The following KIF26A variants were observed in gnomAD, a reference collection of about 807,000 sequenced individuals.
KIF26A encodes kinesin family member 26A.
A neutral mutation model predicts 126.0 loss-of-function variants in KIF26A; 74 were observed. That is an observed-to-expected ratio of 0.59 (90% confidence interval 0.49 to 0.71). The LOEUF is 0.71. Among genes scored for constraint, KIF26A ranks in the 30% least tolerant of loss-of-function variants. The pLI is 0.00. For missense variants in KIF26A, 2,984 were observed against 2,763.3 expected (o/e 1.08, Z -1.79); for synonymous variants, 1,445 against 1,232.7 (o/e 1.17, Z -3.61).
chr14:104,156,898 A>C (rs532146638), intron 3 of KIF26A, among the ~76,000 whole-genome samples: 69 of 152,284 alleles, frequency 4.5e-4, no homozygotes, highest in African/African-American at 1.5e-3. Context: ...TTGGGGCCGA[A>C]TGACGCTTGG....
At chr14:104,147,221 C>T (rs924378135) in intron 2 of KIF26A, among the ~76,000 whole-genome samples, 3 of 152,180 alleles carry the variant, frequency 2.0e-5, no homozygotes, top group African/African-American at 4.8e-5. Context: ...CCTGTCTGGC[C>T]TTTAACCACC....
chr14:104,176,573 G>C lies in KIF26A; in HGVS notation c.3785G>C (p.Ser1262Thr). The C allele has an allele frequency of 6.2e-7, 1 of 1,607,574 alleles. No homozygotes were observed. Among genetic ancestry groups the C allele is most frequent in the South Asian group, 1.1e-5 (1 of 91,084 alleles). The change falls in exon 12 of 15, where the codon AGC (serine) becomes ACC (threonine). Residue 1262 changes from serine to threonine, a missense_variant. Physicochemically the swap from Ser to Thr is moderately conservative, Grantham distance 58. Transcript: ENST00000423312. The stretch of plus-strand genomic sequence containing the variant: ...GCAGCTTCTGCTGGCAGGGCCCCCA[G>C]CCCCACACTTGGCTCCCCCCGGCTG... ...TQAASAGRAPSPTLGSPRLPE... is the reference protein window; with the variant it reads ...TQAASAGRAPTPTLGSPRLPE...
rs374714505 is a variant in KIF26A at position 104,176,594 on chromosome 14, G to A, written c.3806G>A (p.Arg1269Gln). The part of the protein sequence containing the change: ...RAPSPTLGSP[R>Q]LPEAQVMLAC... Reference sequence around the variant, plus strand: ...CCCAGCCCCACACTTGGCTCCCCCCGGCTGCCTGAGGCCCAGGTGATGCTA... The same window carrying A: ...CCCAGCCCCACACTTGGCTCCCCCCAGCTGCCTGAGGCCCAGGTGATGCTA... Residue 1269 changes from arginine to glutamine, a missense_variant, in exon 12 of 15, where the codon CGG becomes CAG. Arg to Gln is a conservative substitution (Grantham distance 43). Transcript: ENST00000423312. The A allele has an allele frequency of 4.4e-5, 71 of 1,608,510 alleles. No individual in the cohort carries two copies. The highest frequency in any genetic ancestry group is 5.4e-5 in the Non-Finnish European group (64 of 1,179,594).
At position 104,179,365 on chromosome 14, in the gene KIF26A, C is replaced by T; in HGVS notation, c.5446C>T (p.Pro1816Ser). ...GACCCAGGGCCGGCTGATGCTGGAG[C>T]CTGGCCGCTGGCTGGAGCAGTGTGA... is the stretch of plus-strand genomic sequence containing the variant. The part of the protein sequence containing the change: ...AETQGRLMLE[P>S]GRWLEQFEVD... Residue 1816 changes from proline to serine, a missense_variant, in exon 14 of 15, where the codon CCT becomes TCT. Physicochemically the swap from Pro to Ser is moderately conservative, Grantham distance 74. Coordinates refer to ENST00000423312, the MANE Select transcript of KIF26A (RefSeq NM_015656.2). The T allele has an allele frequency of 1.3e-6, 2 of 1,532,406 alleles. No individual in the cohort carries two copies. Among genetic ancestry groups the T allele is most frequent in the East Asian group, 2.5e-5 (1 of 40,804 alleles). The allele number at this position is 1,532,406 out of a possible 1,614,324, so 94.9% of individuals were successfully genotyped here.
Position 104,166,860 on chromosome 14 carries a change from G to T in KIF26A, c.925G>T (p.Ala309Ser), listed in dbSNP as rs747242939. Residue 309 changes from alanine (A) to serine (S), a missense_variant and splice_region_variant, in exon 5 of 15, where the codon GCT (alanine) becomes TCT (serine). Physicochemically the swap from Ala to Ser is moderately conservative, Grantham distance 99 (BLOSUM62 1). Coordinates refer to ENST00000423312, the MANE Select transcript of KIF26A (RefSeq NM_015656.2). ...CCTGCCTCTGCCTCTCCTCCCCAGG[G>T]CTATGCAGAAGCTCAGCCTGGCCTC... ...PSAAASFFIR[A>S]MQKLSLASKR... 3 of 1,570,512 alleles carry T rather than the reference G, an allele frequency of 1.9e-6. No individual in the cohort carries two copies. The South Asian group carries it at 3.5e-5, about 18-fold the overall frequency.
intron 2 of KIF26A, among the ~76,000 whole-genome samples, chr14:104,147,792 G>A (rs891567904): frequency 6.6e-6 from 1 of 152,226 alleles, no homozygotes; most frequent in Non-Finnish European, 1.5e-5. Context: ...AGATCTGGAG[G>A]TCATGGCCCA....
rs2037702322 is a variant in KIF26A at position 104,148,780 on chromosome 14, T to C, written c.289-3235T>C. On this transcript the variant is annotated intron_variant, in intron 2 of 14. Transcript: ENST00000423312. The surrounding 1 kb of genome is among the most constrained non-coding windows in gnomAD (Gnocchi z 4.3). Reference sequence around the variant, plus strand: ...GTCAGTGGTGTGGGAGACCCTCGCCTTCACCTTCTGGGGCCCAAGATGCCC... The same window carrying C: ...GTCAGTGGTGTGGGAGACCCTCGCCCTCACCTTCTGGGGCCCAAGATGCCC... 6.6e-6 allele frequency among the ~76,000 whole-genome samples: 1 copy of C among 152,100 alleles called. No homozygotes were observed. Among genetic ancestry groups the C allele is most frequent in the Non-Finnish European group, 1.5e-5 (1 of 68,010 alleles).
At position 104,176,382 on chromosome 14, in the gene KIF26A, G is replaced by T. The variant is rs751532699; in HGVS notation, c.3594G>T (p.Arg1198=). The change falls in exon 12 of 15, where the codon CGG becomes CGT. Residue 1198 remains arginine (R), a synonymous_variant. Transcript: ENST00000423312. ...GGGAGCCCCAGGCCGGGCCCTCGCG[G>T]TGGGCATCCGCAGCCCAGACCATCC... ...PGREPQAGPS[R]WASAAQTIHS... 1.9e-6 allele frequency: 3 copies of T among 1,586,610 alleles called. No individual in the cohort carries two copies. Among genetic ancestry groups the T allele is most frequent in the South Asian group, 1.1e-5 (1 of 88,784 alleles).
In KIF26A at chr14:104,173,707, G is replaced by A. The variant is rs773548772; in HGVS notation, c.1869G>A (p.Met623Ile). 5 of 1,610,808 alleles carry A rather than the reference G, an allele frequency of 3.1e-6. No homozygotes were observed. In the South Asian group the frequency reaches 3.3e-5, roughly 11 times the overall value. The change falls in exon 10 of 15, where the codon ATG (methionine) becomes ATA (isoleucine). Residue 623 changes from methionine to isoleucine, a missense_variant and splice_region_variant. Physicochemically the swap from Met to Ile is conservative, Grantham distance 10. Coordinates refer to ENST00000423312, the MANE Select transcript of KIF26A (RefSeq NM_015656.2). Reference protein sequence around the residue: ...YRMEKCGRGGMSGGRSRLHLI... With the variant: ...YRMEKCGRGGISGGRSRLHLI... ...CATTTGCTTGCCTTGTGGTTCCAGT[G>A]TCCGGAGGCCGCAGCCGCCTGCACC...
intron 2 of KIF26A, among the ~76,000 whole-genome samples, chr14:104,150,502 G>A (rs954567913): frequency 5.3e-5 from 8 of 151,978 alleles, no homozygotes; most frequent in African/African-American, 1.7e-4. Flanking sequence ...GGCTGGCACC[G>A]GCCACCCTGG....
chr14:104,165,347 CAT>C (rs139355158), intron 4 of KIF26A, among the ~76,000 whole-genome samples: 29,060 of 139,560 alleles, frequency 0.21, 3,399 homozygotes, highest in African/African-American at 0.32. Context: ...GTGTCTGTAT[CAT>C]GTGTGCGTCT....
chr14:104,142,452 C>T lies in KIF26A; in HGVS notation c.288+3164C>T, dbSNP rs932371000. On this transcript the variant is annotated intron_variant, in intron 2 of 14. Coordinates refer to ENST00000423312, the MANE Select transcript of KIF26A (RefSeq NM_015656.2). The stretch of plus-strand genomic sequence containing the variant: ...CCCCTGTGGCCTGGCCTCCTGTGGC[C>T]TCCAGGGACCTTTCTCTAATGGGCT... Among the ~76,000 whole-genome samples, 63 of 152,040 alleles carry T rather than the reference C, an allele frequency of 4.1e-4. 2 individuals carry two copies. The highest frequency in any genetic ancestry group is 4.4e-5 in the Non-Finnish European group (3 of 68,012).
intron 5 of KIF26A, among the ~76,000 whole-genome samples, chr14:104,171,088 C>T (rs1291797813): frequency 1.3e-5 from 2 of 152,230 alleles, no homozygotes; most frequent in African/African-American, 4.8e-5. Context: ...TTGTATCTTC[C>T]CCTGGATGGG....
At chr14:104,162,752 C>G (rs1224633050) in intron 4 of KIF26A, among the ~76,000 whole-genome samples, 1 of 144,196 alleles carries the variant, frequency 6.9e-6, no homozygotes, top group East Asian at 1.9e-4. Flanking sequence ...CCAACACCCT[C>G]CAGTGAGGGC....
rs765007964 is a variant in KIF26A, at chr14:104,176,378, C to T, written c.3590C>T (p.Ser1197Leu). The T allele has an allele frequency of 2.1e-5, 34 of 1,584,720 alleles. No homozygotes were observed. In the East Asian group the frequency reaches 3.2e-4, roughly 15 times the overall value. Reference protein sequence around the residue: ...RPGREPQAGPSRWASAAQTIH... With the variant: ...RPGREPQAGPLRWASAAQTIH... ...GGCAGGGAGCCCCAGGCCGGGCCCT[C>T]GCGGTGGGCATCCGCAGCCCAGACC... Residue 1197 changes from serine to leucine, a missense_variant, in exon 12 of 15, where the codon TCG (serine) becomes TTG (leucine). Transcript: ENST00000423312.
rs768076807 is a variant in KIF26A at position 104,178,536 on chromosome 14, G to C, written c.5111-14G>C. On this transcript the variant is annotated splice_polypyrimidine_tract_variant and intron_variant, in intron 12 of 14. Transcript: ENST00000423312. ...CCCGCCTCTGTTCACCCTGTGCCCG[G>C]CTCTCCGTTCCAGGTCTGCAGCGGC... is the stretch of plus-strand genomic sequence containing the variant. 6.2e-6 allele frequency: 9 copies of C among 1,444,308 alleles called. No individual in the cohort carries two copies. The African/African-American group carries it at 1.2e-4, about 19-fold the overall frequency. The allele number at this position is 1,444,308 out of a possible 1,614,324, so 89.5% of individuals were successfully genotyped here.
chr14:104,155,533 C>T (rs915418729), intron 3 of KIF26A, among the ~76,000 whole-genome samples: 2 of 152,144 alleles, frequency 1.3e-5, no homozygotes, highest in East Asian at 1.9e-4. Context: ...GTCTGGCCGC[C>T]CGCCCCCCCT....
At chr14:104,167,155 TGG>T (rs2037914600) in intron 5 of KIF26A, 107 bp downstream of exon 5, 1 of 1,223,296 alleles carries the variant, frequency 8.2e-7, no homozygotes, top group South Asian at 1.7e-5. Context: ...TTCTCTGGGT[TGG>T]ATAAGGGTGG....
At chr14:104,142,457 G>C (rs2037646231) in intron 2 of KIF26A, among the ~76,000 whole-genome samples, 1 of 129,756 alleles carries the variant, frequency 7.7e-6, no homozygotes, top group Non-Finnish European at 1.8e-5. Context: ...GTGGCCTCCA[G>C]GGACCTTTCT....
Sources: allele counts gnomAD v4.1 joint callset (sites outside exome capture counted in the v4.1 genomes callset), GRCh38; gene constraint gnomAD v4.1.1; non-coding constraint Gnocchi (gnomAD v3.1); transcripts MANE v1.5; gene names NCBI Gene and HGNC (gene_info 2026-07-23, HGNC 2026-07-21).